The following SORCS1 variants were observed in gnomAD, a reference collection of about 807,000 sequenced individuals.
SORCS1 encodes VPS10 domain-containing receptor SorCS1.
Under a neutral mutation model 146.1 loss-of-function variants are expected in SORCS1, and 60 were observed. The ratio of observed to expected loss-of-function variants is 0.41; its 90% CI spans 0.33 to 0.51. The LOEUF (loss-of-function observed/expected upper bound fraction) is 0.51, where lower values mean the gene tolerates loss of function less well. SORCS1 is among the 20% of genes least tolerant of loss of function. The pLI is 0.21. For synonymous variants in SORCS1, 637 were observed against 584.0 expected (o/e 1.09, Z -1.31); for missense variants, 1,352 against 1,487.6 (o/e 0.91, Z 1.50).
intron 10 of SORCS1, among the ~76,000 whole-genome samples, chr10:106,682,700 G>T (rs1564853415): frequency 6.6e-6 from 1 of 152,118 alleles, no homozygotes; most frequent in Non-Finnish European, 1.5e-5. Flanking sequence ...CATTTCTCTT[G>T]TCTTCTGCCT....
At chr10:106,852,659 A>T (rs1025735059) in intron 2 of SORCS1, among the ~76,000 whole-genome samples, 1 of 151,668 alleles carries the variant, frequency 6.6e-6, no homozygotes, top group Non-Finnish European at 1.5e-5. Context: ...AAAGAAAAGA[A>T]AAAGAAATTT....
At chr10:107,079,127 G>A (rs931896102) in intron 1 of SORCS1, among the ~76,000 whole-genome samples, 5 of 151,910 alleles carry the variant, frequency 3.3e-5, no homozygotes, top group Non-Finnish European at 5.9e-5. Context: ...TTGGGAGGCT[G>A]AGTCAGGAAA....
intron 2 of SORCS1, among the ~76,000 whole-genome samples, chr10:106,942,611 AG>A (rs774715746): frequency 6.6e-6 from 1 of 152,154 alleles, no homozygotes; most frequent in Non-Finnish European, 1.5e-5. Context: ...ACCAAATGGC[AG>A]GACACCCCTT....
intron 24 of SORCS1, among the ~76,000 whole-genome samples, chr10:106,593,081 A>G (rs1254408725): frequency 6.6e-6 from 1 of 150,718 alleles, no homozygotes; most frequent in African/African-American, 2.4e-5. Context: ...GTGATCCGAG[A>G]TCATGCCACT....
rs931974842 is a variant in SORCS1 at position 106,959,654 on chromosome 10, G to A, written c.559-3074C>T. On this transcript the variant is annotated intron_variant, in intron 1 of 25. Coordinates refer to ENST00000263054, the MANE Select transcript of SORCS1 (RefSeq NM_052918.5). ...TTGTTGTATTTTTCAAACTCAAAAT[G>A]GGGCAAAATGAAGCTGTTTTGTTTG... 3.3e-5 allele frequency among the ~76,000 whole-genome samples: 5 copies of A among 152,266 alleles called. No homozygotes were observed. The East Asian group carries it at 7.7e-4, about 24-fold the overall frequency.
chr10:106,993,488 A>G (rs548339585), intron 1 of SORCS1, among the ~76,000 whole-genome samples: 1 of 152,364 alleles, frequency 6.6e-6, no homozygotes, highest in Non-Finnish European at 1.5e-5. Context: ...GACATGATAG[A>G]GGCTGAACTC....
chr10:107,124,540 GA>G (rs1966593776), intron 1 of SORCS1, among the ~76,000 whole-genome samples: 2 of 151,796 alleles, frequency 1.3e-5, no homozygotes, highest in South Asian at 4.1e-4. Context: ...AACTGAAAAG[GA>G]AGGTAAACGA....
At chr10:107,145,424 T>G (rs1968236437) in intron 1 of SORCS1, among the ~76,000 whole-genome samples, 1 of 152,234 alleles carries the variant, frequency 6.6e-6, no homozygotes, top group Admixed American at 6.5e-5. Flanking sequence ...AAAAACCATT[T>G]ATTATCCTGG....
chr10:107,016,311 G>A (rs769443135), intron 1 of SORCS1, among the ~76,000 whole-genome samples: 1 of 152,142 alleles, frequency 6.6e-6, no homozygotes, highest in Non-Finnish European at 1.5e-5. Flanking sequence ...AACAGAAAAT[G>A]AATCCTGACT....
intron 1 of SORCS1, among the ~76,000 whole-genome samples, chr10:107,105,601 G>A (rs975115311): frequency 6.6e-6 from 1 of 152,096 alleles, no homozygotes; most frequent in Non-Finnish European, 1.5e-5. Context: ...GATGTTCGAG[G>A]GCAGGATGCA....
rs753630608 is a variant in SORCS1 at position 106,577,597 on chromosome 10, G to T, written c.3372-42C>A. 4 of 1,609,922 alleles carry T rather than the reference G, an allele frequency of 2.5e-6. No homozygotes were observed. In the South Asian group the frequency reaches 4.4e-5, roughly 18 times the overall value. On this transcript the variant is annotated intron_variant, in intron 25 of 25. Transcript: ENST00000263054. ...AACACTTACTCATTTAATGACACTGGAAAGGGAAAGGTGTCAGAGACTTTG... is the reference window on the plus strand; with the variant it reads ...AACACTTACTCATTTAATGACACTGTAAAGGGAAAGGTGTCAGAGACTTTG...
chr10:106,850,514 C>T (rs1589549415), intron 2 of SORCS1, among the ~76,000 whole-genome samples: 3 of 152,230 alleles, frequency 2.0e-5, no homozygotes, highest in African/African-American at 7.2e-5. Context: ...GAACCCGGTA[C>T]CTCAGATGGA....
At chr10:106,594,381 T>C (rs1362465195) in intron 24 of SORCS1, among the ~76,000 whole-genome samples, 2 of 152,246 alleles carry the variant, frequency 1.3e-5, no homozygotes, top group Non-Finnish European at 2.9e-5. Flanking sequence ...CTGTGATACA[T>C]AAGCATAGTG....
intron 2 of SORCS1, among the ~76,000 whole-genome samples, chr10:106,899,771 T>C (rs1951630889): frequency 6.6e-6 from 1 of 152,086 alleles, no homozygotes; most frequent in Non-Finnish European, 1.5e-5. Context: ...CTTAACTTCC[T>C]TCATAAGTTC....
At chr10:107,088,037 G>C (rs980513752) in intron 1 of SORCS1, among the ~76,000 whole-genome samples, 1 of 151,902 alleles carries the variant, frequency 6.6e-6, no homozygotes, top group Non-Finnish European at 1.5e-5. Flanking sequence ...TCCTGCCTCA[G>C]CCTCCCGAGT....
intron 5 of SORCS1, among the ~76,000 whole-genome samples, chr10:106,758,793 T>C (rs961596507): frequency 2.0e-5 from 3 of 151,578 alleles, no homozygotes; most frequent in Non-Finnish European, 4.4e-5. Context: ...AGAGACAGAG[T>C]TGAGATCCTG....
At chr10:106,989,255 G>A (rs1393684027) in intron 1 of SORCS1, among the ~76,000 whole-genome samples, 1 of 114,502 alleles carries the variant, frequency 8.7e-6, no homozygotes, top group Non-Finnish European at 1.6e-5. Flanking sequence ...GGGTGTCAGT[G>A]AAAGGCTCCA....
At chr10:106,917,859 A>T (rs1335533744) in intron 2 of SORCS1, among the ~76,000 whole-genome samples, 1 of 152,236 alleles carries the variant, frequency 6.6e-6, no homozygotes, top group Admixed American at 6.5e-5. Flanking sequence ...AATATCTGTC[A>T]GCTCCTATGA....
At chr10:106,733,783 T>C (rs550764200) in intron 5 of SORCS1, among the ~76,000 whole-genome samples, 11 of 152,324 alleles carry the variant, frequency 7.2e-5, no homozygotes, top group Admixed American at 5.2e-4. Flanking sequence ...TCCAAAGACG[T>C]TGGTAAATCT....
Sources: gnomAD v4.1 joint callset for allele counts (sites outside exome capture counted in the v4.1 genomes callset) on GRCh38, gnomAD v4.1.1 for gene constraint, MANE v1.5 for transcripts, NCBI Gene and HGNC (gene_info 2026-07-23, HGNC 2026-07-21) for gene names.